The following IFNGR2 variants were observed in gnomAD, a reference collection of about 807,000 sequenced individuals.
IFNGR2 encodes the protein IFN-gamma receptor 2.
In IFNGR2, 15 loss-of-function variants were observed where a neutral mutation model predicts 41.1. The observed-to-expected ratio is 0.37, with a 90% CI of 0.24 to 0.56. IFNGR2 has a LOEUF of 0.56. IFNGR2 is among the 20% of genes least tolerant of loss of function. The probability of loss-of-function intolerance (pLI) is 0.81; values close to 1 mark genes in which losing one functional copy is unlikely to be tolerated. For synonymous variants in IFNGR2, 161 were observed against 171.6 expected (o/e 0.94, Z 0.48); for missense variants, 362 against 415.7 (o/e 0.87, Z 1.12).
chr21:33,435,122 A>G (rs965637624), intron 6 of IFNGR2, among the ~76,000 whole-genome samples: 6 of 152,206 alleles, frequency 3.9e-5, no homozygotes, highest in African/African-American at 9.6e-5. Context: ...AGAGCTAGAC[A>G]CTAGATTCTT....
chr21:33,408,541 G>A (rs1457034914), intron 1 of IFNGR2, among the ~76,000 whole-genome samples: 1 of 152,114 alleles, frequency 6.6e-6, no homozygotes, highest in African/African-American at 2.4e-5. Flanking sequence ...CCTGGATCTG[G>A]GATAGGTAGA....
intron 1 of IFNGR2, among the ~76,000 whole-genome samples, chr21:33,406,693 G>C (rs2083680091): frequency 6.7e-6 from 1 of 150,296 alleles, no homozygotes; most frequent in Non-Finnish European, 1.5e-5. Flanking sequence ...CATCGCCCAG[G>C]CTGCAGTGCA....
Position 33,432,888 on chromosome 21 carries a change from CTCTTT to C in IFNGR2, c.879+19_879+23del, listed in dbSNP as rs2123370664. 12 of 1,341,278 alleles carry C rather than the reference CTCTTT, an allele frequency of 8.9e-6. No homozygotes were observed. The highest frequency in any genetic ancestry group is 3.0e-5 in the African/African-American group (2 of 67,616). The allele number at this position is 1,341,278 out of a possible 1,614,324, so 83.1% of individuals were successfully genotyped here. On this transcript the variant is annotated intron_variant, in intron 6 of 6. Coordinates refer to ENST00000290219, the MANE Select transcript of IFNGR2 (RefSeq NM_005534.4). Reference sequence around the variant, plus strand: ...ATAGAAGAGGTACGTGTGCACACATCTCTTTTTTTTTTTTTGAGACAGGGTCTTGC... The same window carrying C: ...ATAGAAGAGGTACGTGTGCACACATCTTTTTTTTTTGAGACAGGGTCTTGC...
At chr21:33,435,554 G>C (rs887697564) in intron 6 of IFNGR2, among the ~76,000 whole-genome samples, 1 of 152,126 alleles carries the variant, frequency 6.6e-6, no homozygotes, top group Admixed American at 6.5e-5. Flanking sequence ...GAGTATTAAA[G>C]TGATTACTGA....
intron 6 of IFNGR2, among the ~76,000 whole-genome samples, chr21:33,434,243 C>T (rs573346424): frequency 2.6e-5 from 4 of 152,124 alleles, no homozygotes; most frequent in African/African-American, 7.2e-5. Flanking sequence ...CATTTGCAGC[C>T]GGGCGCAGTG....
chr21:33,427,466 G>A (rs1395665867), intron 4 of IFNGR2, among the ~76,000 whole-genome samples: 1 of 152,208 alleles, frequency 6.6e-6, no homozygotes, highest in African/African-American at 2.4e-5. Context: ...GGGAAACAGA[G>A]GGAGAAAGAG....
At chr21:33,433,005 C>T (rs1384266883) in intron 6 of IFNGR2, 134 bp downstream of exon 6, 2 of 752,688 alleles carry the variant, frequency 2.7e-6, no homozygotes, top group East Asian at 5.4e-5. Context: ...CCTGCCTCAG[C>T]CTCCTGAGTA....
At chr21:33,428,757 C>G (rs2083861415) in intron 4 of IFNGR2, among the ~76,000 whole-genome samples, 1 of 152,232 alleles carries the variant, frequency 6.6e-6, no homozygotes, top group Admixed American at 6.5e-5. Context: ...AGGATGGGCC[C>G]TCTGGCCACG....
chr21:33,427,421 G>A (rs1270290697), intron 4 of IFNGR2, among the ~76,000 whole-genome samples: 2 of 152,166 alleles, frequency 1.3e-5, no homozygotes, highest in Non-Finnish European at 2.9e-5. Flanking sequence ...ATAAATGTTT[G>A]AACAGTTTGT....
chr21:33,413,371 G>C lies in IFNGR2; in HGVS notation c.74-1517G>C, dbSNP rs966762070. Among the ~76,000 whole-genome samples the C allele has an allele frequency of 2.0e-5, 3 of 152,186 alleles. No individual in the cohort carries two copies. The East Asian group carries it at 5.8e-4, about 29-fold the overall frequency. On this transcript the variant is annotated intron_variant, in intron 1 of 6. Coordinates refer to ENST00000290219, the MANE Select transcript of IFNGR2 (RefSeq NM_005534.4). ...GTCACCCAGAGCTCATAGGTGTGGAGGGGAGGGGCATCCTATAACTAAACA... is the reference window on the plus strand; with the variant it reads ...GTCACCCAGAGCTCATAGGTGTGGACGGGAGGGGCATCCTATAACTAAACA...
chr21:33,426,230 T>C (rs1033521567), intron 3 of IFNGR2, among the ~76,000 whole-genome samples: 3 of 151,904 alleles, frequency 2.0e-5, no homozygotes, highest in East Asian at 1.9e-4. Context: ...CTGGCCAACA[T>C]AGTGAAACCC....
At position 33,437,280 on chromosome 21, in the gene IFNGR2, T is replaced by C; in HGVS notation, c.*318T>C. 1 of 316,688 alleles carries C rather than the reference T, an allele frequency of 3.2e-6. No individual in the cohort carries two copies. Among genetic ancestry groups the C allele is most frequent in the Non-Finnish European group, 6.1e-6 (1 of 165,172 alleles). 19.6% of individuals were successfully genotyped at this position (316,688 alleles called of 1,614,324 possible). A position where few individuals can be genotyped will look rare whatever the true frequency, so the allele number is the denominator to read the frequency against. On this transcript the variant is annotated 3_prime_UTR_variant, in exon 7 of 7. Coordinates refer to ENST00000290219, the MANE Select transcript of IFNGR2 (RefSeq NM_005534.4). ...TGACACATCTCTGATACTTTTTTCATTATTGGTTGGGCTGAGCAGTCAGAA... is the reference window on the plus strand; with the variant it reads ...TGACACATCTCTGATACTTTTTTCACTATTGGTTGGGCTGAGCAGTCAGAA...
rs1439819719 is a variant in IFNGR2 at position 33,421,626 on chromosome 21, A to C, written c.353A>C (p.Glu118Ala). ...AATGTCACTCTACGCCTTCGAGCTGAGCTGGGAGCACTCCATTCTGCCTGG... is the reference window on the plus strand; with the variant it reads ...AATGTCACTCTACGCCTTCGAGCTGCGCTGGGAGCACTCCATTCTGCCTGG... ...DFNVTLRLRAELGALHSAWVT... is the reference protein window; with the variant it reads ...DFNVTLRLRAALGALHSAWVT... Residue 118 changes from glutamate (E) to alanine (A), a missense_variant, in exon 3 of 7, where the codon GAG becomes GCG. Transcript: ENST00000290219. The C allele has an allele frequency of 6.2e-7, 1 of 1,614,148 alleles. No homozygotes were observed. Among genetic ancestry groups the C allele is most frequent in the Admixed American group, 1.7e-5 (1 of 60,014 alleles).
intron 2 of IFNGR2, among the ~76,000 whole-genome samples, chr21:33,418,649 C>T (rs746046134): frequency 7.2e-5 from 11 of 152,088 alleles, no homozygotes; most frequent in Non-Finnish European, 1.6e-4. Context: ...GTATCAAGAC[C>T]AAAATTACAT....
chr21:33,404,026 C>A (rs2083660208), intron 1 of IFNGR2, among the ~76,000 whole-genome samples: 1 of 152,194 alleles, frequency 6.6e-6, no homozygotes, highest in South Asian at 2.1e-4. Flanking sequence ...CTCCCCCACC[C>A]GCGCGCCCGC....
chr21:33,425,863 T>C (rs1447406154), intron 3 of IFNGR2, among the ~76,000 whole-genome samples: 2 of 152,218 alleles, frequency 1.3e-5, no homozygotes, highest in African/African-American at 2.4e-5. Context: ...AATCCAGCCC[T>C]GCTGTTGTGA....
At position 33,435,517 on chromosome 21, in the gene IFNGR2, G is replaced by A. The variant is rs180884517; in HGVS notation, c.880-1311G>A. Reference sequence around the variant, plus strand: ...TGAGTTTTGCCCTTTTAAACTCTCAGCATATTAACATGGTCAGCCCTGGGA... The same window carrying A: ...TGAGTTTTGCCCTTTTAAACTCTCAACATATTAACATGGTCAGCCCTGGGA... On this transcript the variant is annotated intron_variant, in intron 6 of 6. Coordinates refer to ENST00000290219, the MANE Select transcript of IFNGR2 (RefSeq NM_005534.4). 1.6e-3 allele frequency among the ~76,000 whole-genome samples: 246 copies of A among 152,268 alleles called. 4 individuals are homozygous for A. Among genetic ancestry groups the A allele is most frequent in the East Asian group, 1.5e-3 (8 of 5,188 alleles).
At position 33,426,919 on chromosome 21, in the gene IFNGR2, C is replaced by A. The variant is rs375520816; in HGVS notation, c.448C>A (p.Pro150Thr). The change falls in exon 4 of 7, where the codon CCA becomes ACA. Residue 150 changes from proline to threonine, a missense_variant. Transcript: ENST00000290219. Reference sequence around the variant, plus strand: ...GCCTCCAGAAAACATTGAGGTGACCCCAGGAGAAGGCTCCCTCATCATCAG... The same window carrying A: ...GCCTCCAGAAAACATTGAGGTGACCACAGGAGAAGGCTCCCTCATCATCAG... ...VGPPENIEVTPGEGSLIIRFS... is the reference protein window; with the variant it reads ...VGPPENIEVTTGEGSLIIRFS... The A allele has an allele frequency of 6.2e-7, 1 of 1,613,594 alleles. No individual in the cohort carries two copies. The highest frequency in any genetic ancestry group is 1.3e-5 in the African/African-American group (1 of 74,898).
In IFNGR2 at chr21:33,436,850, C is replaced by A; in HGVS notation, c.902C>A (p.Pro301His). 6.2e-7 allele frequency: 1 copy of A among 1,614,084 alleles called. No individual in the cohort carries two copies. The highest frequency in any genetic ancestry group is 8.5e-7 in the Non-Finnish European group (1 of 1,179,952). ...IEEYLKDPTQ[P>H]ILEALDKDSS... ...AAGTATTTAAAAGACCCAACTCAGC[C>A]CATCTTAGAGGCCTTGGACAAGGAC... Residue 301 changes from proline to histidine, a missense_variant, in exon 7 of 7, where the codon CCC (proline) becomes CAC (histidine). Physicochemically the swap from Pro to His is moderately conservative, Grantham distance 77. Transcript: ENST00000290219.
Sources: allele counts gnomAD v4.1 joint callset (sites outside exome capture counted in the v4.1 genomes callset), GRCh38; gene constraint gnomAD v4.1.1; transcripts MANE v1.5; gene names NCBI Gene and HGNC (gene_info 2026-07-23, HGNC 2026-07-21).